EIPR1: variants seen among roughly 807,000 people sequenced by gnomAD.
EIPR1 encodes EARP and GARP complex-interacting protein 1.
In EIPR1, 25 loss-of-function variants were observed where a neutral mutation model predicts 48.1. The ratio of observed to expected loss-of-function variants is 0.52; its 90% CI spans 0.38 to 0.73. EIPR1 has a LOEUF of 0.73. Among genes scored for constraint, EIPR1 ranks in the 30% least tolerant of loss-of-function variants. The pLI, the probability that EIPR1 is intolerant of heterozygous loss-of-function variation, is 0.00. For synonymous variants in EIPR1, 204 were observed against 201.9 expected (o/e 1.01, Z -0.09); for missense variants, 415 against 506.2 (o/e 0.82, Z 1.73).
intron 4 of EIPR1, among the ~76,000 whole-genome samples, chr2:3,216,449 C>T (rs1665639978): frequency 6.6e-6 from 1 of 152,182 alleles, no homozygotes; most frequent in Non-Finnish European, 1.5e-5. Context: ...CACCAAGACA[C>T]TTGGGGTTTT....
At chr2:3,278,631 C>T (rs889725530) in intron 3 of EIPR1, among the ~76,000 whole-genome samples, 2 of 152,168 alleles carry the variant, frequency 1.3e-5, no homozygotes, top group Non-Finnish European at 2.9e-5. Flanking sequence ...GGAGGCTCCA[C>T]TTGTGGCCAT....
intron 3 of EIPR1, among the ~76,000 whole-genome samples, chr2:3,309,992 G>A (rs187432379): frequency 2.6e-5 from 4 of 152,190 alleles, no homozygotes; most frequent in South Asian, 2.1e-4. Flanking sequence ...CGCTCCCTGC[G>A]CTGCTCCAAA....
At chr2:3,257,637 C>T (rs2103220439) in intron 3 of EIPR1, 182 bp from the exon 4 acceptor site, 2 of 556,580 alleles carry the variant, frequency 3.6e-6, no homozygotes, top group Non-Finnish European at 3.0e-6. Context: ...AGGCAGAACC[C>T]GGCACGGTTC....
intron 1 of EIPR1, among the ~76,000 whole-genome samples, chr2:3,369,037 A>G (rs938421589): frequency 6.6e-6 from 1 of 152,198 alleles, no homozygotes; most frequent in African/African-American, 2.4e-5. Context: ...AACAAACAAA[A>G]AAAAACACTA....
rs114058112 is a variant in EIPR1, at chr2:3,190,573, A to T, written c.990-1065T>A. ...AGCCCCGATCACCTCCTCCCTTCCT[A>T]TCTTGCTCCCATGACATTGCCGCCC... On this transcript the variant is annotated intron_variant, in intron 8 of 8. Transcript: ENST00000382125. Among the ~76,000 whole-genome samples the T allele has an allele frequency of 4.4e-3, 669 of 152,110 alleles. 4 individuals carry two copies. The highest frequency in any genetic ancestry group is 0.015 in the African/African-American group (638 of 41,504).
intron 4 of EIPR1, among the ~76,000 whole-genome samples, chr2:3,216,306 T>C (rs574877012): frequency 2.0e-5 from 3 of 152,212 alleles, no homozygotes; most frequent in African/African-American, 4.8e-5. Context: ...ATCTCACTTA[T>C]AACTCACGTG....
intron 3 of EIPR1, among the ~76,000 whole-genome samples, chr2:3,299,634 A>G (rs1005083238): frequency 5.3e-5 from 8 of 150,292 alleles, no homozygotes; most frequent in African/African-American, 1.5e-4. Flanking sequence ...TCACACACAC[A>G]CACACACACA....
intron 3 of EIPR1, among the ~76,000 whole-genome samples, chr2:3,300,135 A>G (rs1355458725): frequency 1.3e-5 from 2 of 152,232 alleles, no homozygotes; most frequent in South Asian, 2.1e-4. Flanking sequence ...GCAATTTCAT[A>G]TAATTCAACC....
intron 4 of EIPR1, among the ~76,000 whole-genome samples, chr2:3,225,260 G>GTGTGTGTGTA (rs1286298177): frequency 4.7e-5 from 7 of 150,002 alleles, no homozygotes; most frequent in African/African-American, 1.7e-4. Context: ...GTGTGTGTGT[G>GTGTGTGTGTA]TGTATGACAG....
chr2:3,257,528 C>A, intron 3 of EIPR1, 73 bp from the exon 4 acceptor site: 1 of 1,550,020 alleles, frequency 6.5e-7, no homozygotes. Flanking sequence ...AGCACACGCA[C>A]ATTTACACAA....
At chr2:3,239,815 CT>C (rs1666536875) in intron 4 of EIPR1, among the ~76,000 whole-genome samples, 1 of 152,264 alleles carries the variant, frequency 6.6e-6, no homozygotes, top group South Asian at 2.1e-4. Flanking sequence ...CTCTTATTTT[CT>C]TTCCATCTCC....
intron 1 of EIPR1, among the ~76,000 whole-genome samples, chr2:3,372,096 C>G (rs1452810288): frequency 2.0e-5 from 3 of 151,230 alleles, no homozygotes; most frequent in African/African-American, 7.3e-5. Flanking sequence ...AACCGCTCAA[C>G]TACATGGAAA....
intron 4 of EIPR1, among the ~76,000 whole-genome samples, chr2:3,230,056 T>C (rs1429748911): frequency 6.6e-6 from 1 of 152,226 alleles, no homozygotes; most frequent in East Asian, 1.9e-4. Flanking sequence ...TTTTTCCATT[T>C]GTTTGCATCT....
At chr2:3,219,292 G>A (rs1665777030) in intron 4 of EIPR1, among the ~76,000 whole-genome samples, 1 of 34,434 alleles carries the variant, frequency 2.9e-5, no homozygotes, top group Non-Finnish European at 6.7e-5. Context: ...GTATACTCTA[G>A]AGCATTCACA....
intron 1 of EIPR1, among the ~76,000 whole-genome samples, chr2:3,358,418 C>T (rs1010703435): frequency 6.6e-6 from 1 of 152,194 alleles, no homozygotes; most frequent in African/African-American, 2.4e-5. Flanking sequence ...AGCTAAAATA[C>T]ATTTCAATAA....
At chr2:3,230,769 G>A (rs931362896) in intron 4 of EIPR1, among the ~76,000 whole-genome samples, 2 of 152,114 alleles carry the variant, frequency 1.3e-5, no homozygotes, top group Non-Finnish European at 2.9e-5. Flanking sequence ...TATGATATAA[G>A]AAATTAGGAA....
At chr2:3,277,686 ATGAGTGG>A (rs1439523539) in intron 3 of EIPR1, among the ~76,000 whole-genome samples, 7 of 152,238 alleles carry the variant, frequency 4.6e-5, no homozygotes, top group Non-Finnish European at 1.0e-4. Context: ...AGCCCGGGGC[ATGAGTGG>A]GGGTCCCTGC....
At chr2:3,324,726 C>T (rs1669639956) in intron 3 of EIPR1, among the ~76,000 whole-genome samples, 1 of 152,236 alleles carries the variant, frequency 6.6e-6, no homozygotes. Context: ...GCAGGAGGCC[C>T]GCTGGAAGAT....
At chr2:3,301,683 T>G (rs1041225698) in intron 3 of EIPR1, among the ~76,000 whole-genome samples, 1 of 152,264 alleles carries the variant, frequency 6.6e-6, no homozygotes, top group Admixed American at 6.5e-5. Context: ...CTCAAACCTC[T>G]TATTTTCATT....
Sources: allele counts gnomAD v4.1 joint callset (sites outside exome capture counted in the v4.1 genomes callset), GRCh38; gene constraint gnomAD v4.1.1; transcripts MANE v1.5; gene names NCBI Gene and HGNC (gene_info 2026-07-23, HGNC 2026-07-21).